Variants in ANKS1B observed in about 807,000 individuals in gnomAD.
ANKS1B encodes ankyrin repeat and sterile alpha motif domain-containing protein 1B.
A neutral mutation model predicts 148.3 loss-of-function variants in ANKS1B; 36 were observed. The ratio of observed to expected loss-of-function variants is 0.24; its 90% CI spans 0.19 to 0.32. The LOEUF (loss-of-function observed/expected upper bound fraction) is 0.32, where lower values mean the gene tolerates loss of function less well. Among genes scored for constraint, ANKS1B ranks in the 10% least tolerant of loss-of-function variants. The pLI, the probability that ANKS1B is intolerant of heterozygous loss-of-function variation, is 1.00. For missense variants in ANKS1B, 1,157 were observed against 1,542.6 expected (o/e 0.75, Z 4.19); for synonymous variants, 542 against 560.8 (o/e 0.97, Z 0.47).
chr12:99,668,005 T>C (rs1051884477), intron 8 of ANKS1B, among the ~76,000 whole-genome samples: 6 of 152,204 alleles, frequency 3.9e-5, no homozygotes, highest in African/African-American at 1.2e-4. Context: ...TAGTTTTCCA[T>C]TTGTGAAATG....
chr12:98,833,507 TTTCTC>T (rs2099343149), intron 17 of ANKS1B, among the ~76,000 whole-genome samples: 1 of 152,204 alleles, frequency 6.6e-6, no homozygotes, highest in Admixed American at 6.5e-5. Context: ...TGTGTACATT[TTTCTC>T]TTCTCTTTTC....
chr12:99,698,495 A>G (rs897099169), intron 8 of ANKS1B, among the ~76,000 whole-genome samples: 8 of 152,154 alleles, frequency 5.3e-5, no homozygotes, highest in Non-Finnish European at 1.0e-4. Context: ...TTTCACCATG[A>G]AAGAAAGGAA....
chr12:98,765,949 C>T lies in ANKS1B; in HGVS notation c.3579+7093G>A, dbSNP rs759632586. Among the ~76,000 whole-genome samples the T allele has an allele frequency of 3.9e-5, 6 of 152,170 alleles. No homozygotes were observed. The South Asian group carries it at 1.2e-3, about 32-fold the overall frequency. ...AAGAGTGCAGATCTGGGATTCAAAA[C>T]CAGACTGATTCTAAAGGCCACCCCC... On this transcript the variant is annotated intron_variant, in intron 25 of 26. Coordinates refer to ENST00000683438, the MANE Select transcript of ANKS1B (RefSeq NM_001352186.2).
Position 99,907,585 on chromosome 12 carries a change from A to T in ANKS1B, c.134+76519T>A, listed in dbSNP as rs2093831394. 2.6e-5 allele frequency among the ~76,000 whole-genome samples: 4 copies of T among 152,264 alleles called. No individual in the cohort carries two copies. In the South Asian group the frequency reaches 8.3e-4, roughly 32 times the overall value. On this transcript the variant is annotated intron_variant, in intron 1 of 26. Transcript: ENST00000683438. ...ATTTTCTCTGTAAATAGAACTTGAT[A>T]TATCTTCATAACCGTCAGCAGGGAT...
intron 1 of ANKS1B, among the ~76,000 whole-genome samples, chr12:99,911,182 G>C (rs1485350486): frequency 6.6e-6 from 1 of 152,150 alleles, no homozygotes; most frequent in Non-Finnish European, 1.5e-5. Flanking sequence ...ACTGCACTCT[G>C]CTGCCACTTG....
At chr12:99,149,412 C>G (rs1422112787) in intron 15 of ANKS1B, among the ~76,000 whole-genome samples, 1 of 152,126 alleles carries the variant, frequency 6.6e-6, no homozygotes, top group Non-Finnish European at 1.5e-5. Context: ...TCAGCAAGCC[C>G]TTTATGAATG....
chr12:99,383,307 C>T (rs2093721508), intron 12 of ANKS1B, among the ~76,000 whole-genome samples: 2 of 152,260 alleles, frequency 1.3e-5, no homozygotes, highest in South Asian at 4.1e-4. Context: ...CATTTCAGAC[C>T]CGATTTACCC....
intron 17 of ANKS1B, among the ~76,000 whole-genome samples, chr12:98,865,987 G>A (rs897623545): frequency 3.9e-5 from 6 of 152,096 alleles, no homozygotes; most frequent in Non-Finnish European, 7.4e-5. Context: ...GTAACCTCAC[G>A]TGCAAGTGTT....
chr12:98,783,799 T>C, intron 22 of ANKS1B, among the ~76,000 whole-genome samples: 1 of 152,136 alleles, frequency 6.6e-6, no homozygotes, highest in East Asian at 1.9e-4. Context: ...CGTTGGAAGC[T>C]TTTCACTAGA....
intron 26 of ANKS1B, among the ~76,000 whole-genome samples, chr12:98,749,382 C>T (rs540010488): frequency 4.1e-4 from 63 of 152,200 alleles, no homozygotes; most frequent in African/African-American, 1.4e-3. Flanking sequence ...GCTGGGATTA[C>T]AGGCGTGAGC....
At chr12:99,196,527 T>C (rs990321937) in intron 14 of ANKS1B, among the ~76,000 whole-genome samples, 1 of 152,168 alleles carries the variant, frequency 6.6e-6, no homozygotes, top group African/African-American at 2.4e-5. Context: ...CCATTGCTTT[T>C]GCCTCTTCAA....
intron 15 of ANKS1B, among the ~76,000 whole-genome samples, chr12:99,086,471 C>G (rs2051857763): frequency 6.6e-6 from 1 of 152,108 alleles, no homozygotes; most frequent in South Asian, 2.1e-4. Flanking sequence ...TTTATCCTGA[C>G]CATAATGGGT....
Position 99,560,123 on chromosome 12 carries a change from T to C in ANKS1B, c.1273-55482A>G, listed in dbSNP as rs75305225. On this transcript the variant is annotated intron_variant, in intron 9 of 26. Coordinates refer to ENST00000683438, the MANE Select transcript of ANKS1B (RefSeq NM_001352186.2). ...CCTGGGGTACTAATTTGGTTATTTC[T>C]AGGCTAGAAAGTGGTTTCATGTTTA... 1.2e-4 allele frequency among the ~76,000 whole-genome samples: 18 copies of C among 152,314 alleles called. No individual in the cohort carries two copies. In the East Asian group the frequency reaches 3.5e-3, roughly 29 times the overall value.
intron 4 of ANKS1B, among the ~76,000 whole-genome samples, chr12:99,783,187 T>A (rs185340891): frequency 2.4e-5 from 3 of 127,140 alleles, no homozygotes; most frequent in Non-Finnish European, 4.8e-5. Context: ...TGAGAATCCA[T>A]CGCAAAAAAA....
intron 12 of ANKS1B, among the ~76,000 whole-genome samples, chr12:99,319,217 C>T (rs1340348025): frequency 6.6e-6 from 1 of 152,124 alleles, no homozygotes; most frequent in Non-Finnish European, 1.5e-5. Flanking sequence ...AGTTCAATTC[C>T]TGGATATCCT....
chr12:99,483,179 T>C (rs1200069872), intron 10 of ANKS1B, among the ~76,000 whole-genome samples: 1 of 152,004 alleles, frequency 6.6e-6, no homozygotes, highest in Non-Finnish European at 1.5e-5. Context: ...GTCCCTTCTA[T>C]GCCTCATTTG....
chr12:99,395,889 T>C (rs1461712351), intron 12 of ANKS1B, among the ~76,000 whole-genome samples: 1 of 152,166 alleles, frequency 6.6e-6, no homozygotes, highest in South Asian at 2.1e-4. Context: ...TTTTTGTGTA[T>C]GCAATCATTT....
chr12:98,756,558 A>T (rs2098248844), intron 25 of ANKS1B, among the ~76,000 whole-genome samples: 1 of 52,384 alleles, frequency 1.9e-5, no homozygotes, highest in Admixed American at 1.4e-4. Context: ...TAAAAATACA[A>T]AAAAAAAAAA....
chr12:98,939,817 G>A (rs2099833535), intron 17 of ANKS1B, among the ~76,000 whole-genome samples: 1 of 152,136 alleles, frequency 6.6e-6, no homozygotes, highest in African/African-American at 2.4e-5. Context: ...ACCTGTAAAA[G>A]GAACGCTGCC....
Sources: allele counts gnomAD v4.1 joint callset (sites outside exome capture counted in the v4.1 genomes callset), GRCh38; gene constraint gnomAD v4.1.1; transcripts MANE v1.5; gene names NCBI Gene and HGNC (gene_info 2026-07-23, HGNC 2026-07-21).